TRPM3: variants seen among roughly 807,000 people sequenced by gnomAD.
TRPM3 encodes the protein transient receptor potential cation channel subfamily M member 3.
A neutral mutation model predicts 181.2 loss-of-function variants in TRPM3; 77 were observed. The observed-to-expected ratio is 0.42, with a 90% CI of 0.35 to 0.51. The LOEUF (loss-of-function observed/expected upper bound fraction) is 0.51, where lower values mean the gene tolerates loss of function less well. TRPM3 is among the 20% of genes least tolerant of loss of function. The pLI, the probability that TRPM3 is intolerant of heterozygous loss-of-function variation, is 0.01. For synonymous variants in TRPM3, 745 were observed against 796.4 expected (o/e 0.94, Z 1.09); for missense variants, 1,759 against 2,196.7 (o/e 0.80, Z 3.98).
At chr9:70,604,787 C>A (rs1264374243) in intron 19 of TRPM3, among the ~76,000 whole-genome samples, 1 of 151,760 alleles carries the variant, frequency 6.6e-6, no homozygotes, top group African/African-American at 2.4e-5. Flanking sequence ...GCTGGGATAA[C>A]AGGCACGTGC....
chr9:71,159,646 T>C (rs1731278582), intron 1 of TRPM3, among the ~76,000 whole-genome samples: 1 of 152,130 alleles, frequency 6.6e-6, no homozygotes, highest in East Asian at 1.9e-4. Flanking sequence ...GAGCCCTTTT[T>C]CAGTGAAAAA....
chr9:70,895,987 T>C lies in TRPM3; in HGVS notation c.178-31476A>G, dbSNP rs533147265. Among the ~76,000 whole-genome samples, 32 of 152,136 alleles carry C rather than the reference T, an allele frequency of 2.1e-4. 1 individual carries two copies. In the South Asian group the frequency reaches 6.6e-3, roughly 32 times the overall value. On this transcript the variant is annotated intron_variant, in intron 1 of 25. Coordinates refer to ENST00000677713, the MANE Select transcript of TRPM3 (RefSeq NM_001366145.2). Reference sequence around the variant, plus strand: ...GTACCCTCTTATAAAAAGCAATACTTGGATCAAATGGGCCAGACAACAGAT... The same window carrying C: ...GTACCCTCTTATAAAAAGCAATACTCGGATCAAATGGGCCAGACAACAGAT...
At chr9:71,431,789 A>G (rs114897836) in intron 1 of TRPM3, among the ~76,000 whole-genome samples, 5,680 of 152,270 alleles carry the variant, frequency 0.037, 354 homozygotes, top group African/African-American at 0.13. Context: ...TACATAAGAG[A>G]TCATTGAAAC....
chr9:71,348,449 C>T (rs1411289912), intron 1 of TRPM3, among the ~76,000 whole-genome samples: 1 of 35,884 alleles, frequency 2.8e-5, no homozygotes, highest in East Asian at 8.8e-4. Flanking sequence ...GAAAAGCAGA[C>T]TTTTCCCATT....
Position 70,535,602 on chromosome 9 carries a change from C to T in TRPM3, c.*351G>A. 4 of 1,492,314 alleles carry T rather than the reference C, an allele frequency of 2.7e-6. No homozygotes were observed. The highest frequency in any genetic ancestry group is 1.3e-5 in the South Asian group (1 of 74,196). 92.4% of individuals were successfully genotyped at this position (1,492,314 alleles called of 1,614,324 possible). A position where few individuals can be genotyped will look rare whatever the true frequency, so the allele number is the denominator to read the frequency against. On this transcript the variant is annotated 3_prime_UTR_variant, in exon 26 of 26. Coordinates refer to ENST00000677713, the MANE Select transcript of TRPM3 (RefSeq NM_001366145.2). Reference sequence around the variant, plus strand: ...GATAATGGTCAGAAATCAACAGATGCCTCCTGGCATGGAGCGTGCTCGAAG... The same window carrying T: ...GATAATGGTCAGAAATCAACAGATGTCTCCTGGCATGGAGCGTGCTCGAAG...
chr9:71,079,621 T>C (rs2063940854), intron 1 of TRPM3, among the ~76,000 whole-genome samples: 1 of 152,194 alleles, frequency 6.6e-6, no homozygotes, highest in Non-Finnish European at 1.5e-5. Context: ...AGTTCTTTAT[T>C]AATAATGCAT....
intron 1 of TRPM3, among the ~76,000 whole-genome samples, chr9:70,915,526 T>G (rs369524885): frequency 2.6e-5 from 4 of 151,528 alleles, no homozygotes; most frequent in Admixed American, 1.3e-4. Flanking sequence ...AGGATGGTCT[T>G]GATCTCCTGA....
intron 1 of TRPM3, among the ~76,000 whole-genome samples, chr9:70,996,161 AATG>A (rs1201792204): frequency 6.6e-6 from 1 of 152,226 alleles, no homozygotes; most frequent in Non-Finnish European, 1.5e-5. Flanking sequence ...GTGAATAATC[AATG>A]ATATCTTCAT....
At chr9:71,206,173 T>C (rs548452773) in intron 1 of TRPM3, among the ~76,000 whole-genome samples, 1 of 151,904 alleles carries the variant, frequency 6.6e-6, no homozygotes, top group South Asian at 2.1e-4. Context: ...ATAGCCACAC[T>C]GTTTTCTACA....
chr9:70,851,578 A>T (rs1205457396), intron 3 of TRPM3, among the ~76,000 whole-genome samples: 3 of 152,226 alleles, frequency 2.0e-5, no homozygotes, highest in Non-Finnish European at 4.4e-5. Flanking sequence ...AGACCAATAG[A>T]ACTACTGAAT....
intron 1 of TRPM3, among the ~76,000 whole-genome samples, chr9:71,112,897 A>G (rs1468255756): frequency 6.6e-6 from 1 of 152,154 alleles, no homozygotes; most frequent in African/African-American, 2.4e-5. Context: ...GTTAGCTAGG[A>G]GAAGGTCTGG....
intron 1 of TRPM3, among the ~76,000 whole-genome samples, chr9:70,937,768 G>A (rs1447356305): frequency 1.3e-5 from 2 of 151,346 alleles, no homozygotes; most frequent in South Asian, 2.1e-4. Context: ...AGCTCCTGGG[G>A]CCAGAGAGCT....
intron 9 of TRPM3, among the ~76,000 whole-genome samples, chr9:70,670,550 A>G (rs1373963219): frequency 6.6e-6 from 1 of 152,194 alleles, no homozygotes; most frequent in African/African-American, 2.4e-5. Flanking sequence ...CACTTTCTAG[A>G]TTCAATTCCT....
At chr9:71,042,280 C>T (rs1211767695) in intron 1 of TRPM3, among the ~76,000 whole-genome samples, 1 of 152,066 alleles carries the variant, frequency 6.6e-6, no homozygotes, top group Non-Finnish European at 1.5e-5. Flanking sequence ...ATCAACTGAG[C>T]CTCTGCTGTG....
intron 1 of TRPM3, among the ~76,000 whole-genome samples, chr9:71,437,752 C>T (rs1455881114): frequency 2.0e-5 from 3 of 151,352 alleles, no homozygotes; most frequent in Non-Finnish European, 4.4e-5. Context: ...CCTGTAATCC[C>T]AGCTACTAGG....
At chr9:70,787,763 C>CTTTTTTTTTTTTTTTTTTTTGGTTTTTT (rs2084054300) in intron 6 of TRPM3, among the ~76,000 whole-genome samples, 3 of 68,558 alleles carry the variant, frequency 4.4e-5, no homozygotes, top group African/African-American at 5.8e-5. Flanking sequence ...TTTTTGGATT[C>CTTTTTTTTTTTTTTTTTTTTGGTTTTTT]TTTTTTTTTT....
At position 71,121,319 on chromosome 9, in the gene TRPM3, G is replaced by A. The variant is rs372752478; in HGVS notation, c.36C>T (p.Gly12=). 37 of 1,613,876 alleles carry A rather than the reference G, an allele frequency of 2.3e-5. No individual in the cohort carries two copies. Among genetic ancestry groups the A allele is most frequent in the Non-Finnish European group, 2.9e-5 (34 of 1,180,010 alleles). The change falls in exon 1 of 26, where the codon GGC becomes GGT. Residue 12 remains glycine (G), a synonymous_variant. Coordinates refer to ENST00000677713, the MANE Select transcript of TRPM3 (RefSeq NM_001366145.2). ...ACAAGAAACTGAAAACCTGAGCAAT[G>A]CCTAGAAAATAAACGGTCCCCCACG... ...PEPWGTVYFL[G]IAQVFSFLFS...
intron 1 of TRPM3, among the ~76,000 whole-genome samples, chr9:71,307,452 G>C (rs2087462298): frequency 6.6e-6 from 1 of 151,804 alleles, no homozygotes; most frequent in Non-Finnish European, 1.5e-5. Context: ...CATATTTACT[G>C]TAATTTTTAG....
At chr9:70,698,247 G>T (rs913130010) in intron 8 of TRPM3, among the ~76,000 whole-genome samples, 14 of 149,772 alleles carry the variant, frequency 9.3e-5, no homozygotes, top group Non-Finnish European at 2.1e-4. Flanking sequence ...TTATATCCTT[G>T]CCCCTTCTTC....
Sources: gnomAD v4.1 joint callset for allele counts (sites outside exome capture counted in the v4.1 genomes callset) on GRCh38, gnomAD v4.1.1 for gene constraint, MANE v1.5 for transcripts, NCBI Gene and HGNC (gene_info 2026-07-23, HGNC 2026-07-21) for gene names.